MYO9A: variants seen among roughly 807,000 people sequenced by gnomAD.
MYO9A encodes the protein unconventional myosin-IXa.
Under a neutral mutation model 293.3 loss-of-function variants are expected in MYO9A, and 103 were observed. The observed-to-expected ratio is 0.35, with a 90% CI of 0.30 to 0.41. MYO9A has a LOEUF of 0.41. Ranked by LOEUF, MYO9A falls within the 10% of genes least tolerant of loss-of-function variation. The probability of loss-of-function intolerance (pLI) is 1.00; values close to 1 mark genes in which losing one functional copy is unlikely to be tolerated. For missense variants in MYO9A, 2,685 were observed against 3,033.0 expected (o/e 0.89, Z 2.69); for synonymous variants, 1,001 against 1,035.7 (o/e 0.97, Z 0.64).
chr15:71,939,285 T>C (rs2058712212), intron 15 of MYO9A, among the ~76,000 whole-genome samples: 1 of 152,144 alleles, frequency 6.6e-6, no homozygotes. Flanking sequence ...GGGGGTTTGT[T>C]GTGCAGATTA....
At chr15:71,903,876 G>A (rs944666760) in intron 21 of MYO9A, 53 bp downstream of exon 21, 32 of 1,414,728 alleles carry the variant, frequency 2.3e-5, no homozygotes, top group Non-Finnish European at 3.0e-5. Flanking sequence ...AGATATGTGG[G>A]AATCATTTAC....
chr15:72,087,916 T>C (rs1170523764), intron 1 of MYO9A, among the ~76,000 whole-genome samples: 1 of 152,174 alleles, frequency 6.6e-6, no homozygotes, highest in Non-Finnish European at 1.5e-5. Context: ...GCAATGTGAG[T>C]GTATTTGGAG....
At chr15:72,106,598 G>T (rs950244479) in intron 1 of MYO9A, among the ~76,000 whole-genome samples, 5 of 151,336 alleles carry the variant, frequency 3.3e-5, no homozygotes, top group African/African-American at 1.2e-4. Context: ...AAAATCAAGG[G>T]TTTTTTTTTA....
rs938042819 is a variant in MYO9A at position 72,080,704 on chromosome 15, T to A, written c.-71-34070A>T. ...GGGGTCTGCCGTACAGATTATTTCATCACCCAGGTATTAAGCCTAGTACCC... is the reference window on the plus strand; with the variant it reads ...GGGGTCTGCCGTACAGATTATTTCAACACCCAGGTATTAAGCCTAGTACCC... On this transcript the variant is annotated intron_variant, in intron 1 of 41. Coordinates refer to ENST00000356056, the MANE Select transcript of MYO9A (RefSeq NM_006901.4). 3.9e-5 allele frequency among the ~76,000 whole-genome samples: 6 copies of A among 152,122 alleles called. 1 individual carries two copies. The highest frequency in any genetic ancestry group is 3.9e-4 in the Admixed American group (6 of 15,258).
rs367739461 is a variant in MYO9A at position 71,830,075 on chromosome 15, A to G, written c.7040+34T>C. ...AGAAGGAAGGAAACAAAAACAGACT[A>G]TAACTGTCTCTCCCCTTCCTCCTGG... On this transcript the variant is annotated intron_variant, in intron 40 of 41. Coordinates refer to ENST00000356056, the MANE Select transcript of MYO9A (RefSeq NM_006901.4). 7.6e-4 allele frequency: 1,216 copies of G among 1,598,454 alleles called. 1 individual carries two copies. Among genetic ancestry groups the G allele is most frequent in the Non-Finnish European group, 9.8e-4 (1,140 of 1,166,674 alleles).
At chr15:72,027,839 A>G (rs773732110) in intron 3 of MYO9A, 46 bp from the exon 4 acceptor site, 7 of 1,313,006 alleles carry the variant, frequency 5.3e-6, no homozygotes, top group Admixed American at 2.0e-5. Flanking sequence ...AAAGTTTAAT[A>G]TAAGGCAGAA....
chr15:72,032,389 G>T, intron 3 of MYO9A, 105 bp downstream of exon 3: 1 of 683,844 alleles, frequency 1.5e-6, no homozygotes, highest in Non-Finnish European at 2.2e-6. Flanking sequence ...GAATTTTAAT[G>T]CTGACACCAA....
intron 34 of MYO9A, among the ~76,000 whole-genome samples, chr15:71,855,595 CTG>C (rs2055834556): frequency 6.6e-6 from 1 of 152,172 alleles, no homozygotes; most frequent in East Asian, 1.9e-4. Context: ...TTTCCTTCTC[CTG>C]TACCATTGTC....
At chr15:71,916,953 G>A (rs2058028097) in intron 18 of MYO9A, among the ~76,000 whole-genome samples, 1 of 152,204 alleles carries the variant, frequency 6.6e-6, no homozygotes, top group African/African-American at 2.4e-5. Context: ...CTTAGCCCTG[G>A]AGCAAATAGT....
chr15:71,988,210 A>G (rs1489727588), intron 11 of MYO9A, among the ~76,000 whole-genome samples: 5 of 152,188 alleles, frequency 3.3e-5, no homozygotes, highest in Non-Finnish European at 7.4e-5. Flanking sequence ...CACCCTTCTA[A>G]CACATGTACT....
In MYO9A at chr15:71,824,737, T is replaced by TATCAATCA. The variant is rs1201430040; in HGVS notation, c.*1842_*1843insTGATTGAT. On this transcript the variant is annotated 3_prime_UTR_variant, in exon 42 of 42. Transcript: ENST00000356056. ...TAAAGCATAACATTTGCTCATTAACTATCATTATTCTGGAGATTTTAATGG... is the reference window on the plus strand; with the variant it reads ...TAAAGCATAACATTTGCTCATTAACTATCAATCAATCATTATTCTGGAGATTTTAATGG... 6.6e-6 allele frequency: 1 copy of TATCAATCA among 152,240 alleles called. No homozygotes were observed. Among genetic ancestry groups the TATCAATCA allele is most frequent in the African/African-American group, 2.4e-5 (1 of 41,458 alleles). 9.4% of individuals were successfully genotyped at this position (152,240 alleles called of 1,614,324 possible). A position where few individuals can be genotyped will look rare whatever the true frequency, so the allele number is the denominator to read the frequency against.
chr15:71,919,777 G>C (rs1025236592), intron 18 of MYO9A, among the ~76,000 whole-genome samples: 3 of 148,664 alleles, frequency 2.0e-5, no homozygotes, highest in Admixed American at 6.8e-5. Flanking sequence ...AGGAGGCAGA[G>C]GTTGAAGGGA....
At chr15:72,043,753 T>C (rs1424280857) in intron 2 of MYO9A, among the ~76,000 whole-genome samples, 1 of 152,150 alleles carries the variant, frequency 6.6e-6, no homozygotes, top group South Asian at 2.1e-4. Context: ...ATAATGGATA[T>C]GTTCTTGACT....
At chr15:72,041,832 T>C (rs1057367278) in intron 2 of MYO9A, among the ~76,000 whole-genome samples, 3 of 151,096 alleles carry the variant, frequency 2.0e-5, no homozygotes, top group African/African-American at 7.3e-5. Context: ...TATGATAACT[T>C]AGATTAAGCA....
intron 27 of MYO9A, among the ~76,000 whole-genome samples, chr15:71,886,057 A>G (rs1255858975): frequency 2.0e-5 from 3 of 151,966 alleles, no homozygotes; most frequent in Non-Finnish European, 4.4e-5. Flanking sequence ...ACATTTGTCT[A>G]TCTTGAAGTG....
At position 71,906,758 on chromosome 15, in the gene MYO9A, C is replaced by CTTTTTTTTTTTTTT. The variant is rs71131714; in HGVS notation, c.2686-1766_2686-1753dup. Among the ~76,000 whole-genome samples, 4 of 61,026 alleles carry CTTTTTTTTTTTTTT rather than the reference C, an allele frequency of 6.6e-5. 1 individual carries two copies. The highest frequency in any genetic ancestry group is 2.5e-4 in the African/African-American group (4 of 15,718). 40.0% of individuals were successfully genotyped at this position (61,026 alleles called of 152,430 possible). A position where few individuals can be genotyped will look rare whatever the true frequency, so the allele number is the denominator to read the frequency against. Reference sequence around the variant, plus strand: ...CCAATCAGATAATATCCATTTCTTTCTTTTTTTTTTTTTTTTTTTTCCTGA... The same window carrying CTTTTTTTTTTTTTT: ...CCAATCAGATAATATCCATTTCTTTCTTTTTTTTTTTTTTTTTTTTTTTTTTTTTTTTTTCCTGA... On this transcript the variant is annotated intron_variant, in intron 19 of 41. Transcript: ENST00000356056.
intron 34 of MYO9A, among the ~76,000 whole-genome samples, chr15:71,856,954 C>T (rs1567202024): frequency 6.6e-6 from 1 of 152,084 alleles, no homozygotes; most frequent in Non-Finnish European, 1.5e-5. Context: ...AGCATGACAA[C>T]CTGGTATACG....
At chr15:71,853,445 T>G (rs970445278) in intron 35 of MYO9A, among the ~76,000 whole-genome samples, 1 of 152,246 alleles carries the variant, frequency 6.6e-6, no homozygotes, top group African/African-American at 2.4e-5. Flanking sequence ...TTGTGCTATT[T>G]CAAGGTATCA....
intron 19 of MYO9A, among the ~76,000 whole-genome samples, chr15:71,909,767 T>C (rs1003468570): frequency 6.6e-6 from 1 of 152,150 alleles, no homozygotes; most frequent in Non-Finnish European, 1.5e-5. Context: ...CCTGTTACTG[T>C]TGTGAAATTA....
Sources: allele counts gnomAD v4.1 joint callset (sites outside exome capture counted in the v4.1 genomes callset), GRCh38; gene constraint gnomAD v4.1.1; transcripts MANE v1.5; gene names NCBI Gene and HGNC (gene_info 2026-07-23, HGNC 2026-07-21).